Variants in XPR1 observed in about 807,000 individuals in gnomAD.
XPR1 encodes the protein xenotropic and polytropic retrovirus receptor 1.
XPR1 carries 28 observed loss-of-function variants against 87.5 expected under a neutral mutation model. The ratio of observed to expected loss-of-function variants is 0.32; its 90% confidence interval spans 0.24 to 0.44. The LOEUF (loss-of-function observed/expected upper bound fraction) is 0.44. XPR1 is among the 20% of genes least tolerant of loss of function. XPR1 has a pLI of 1.00. For synonymous variants in XPR1, 300 were observed against 306.1 expected, an observed-to-expected ratio of 0.98 and a Z score of 0.21; for missense variants, 559 against 862.3, an observed-to-expected ratio of 0.65 and a Z score of 4.41.
At chr1:180,846,261 CAAA>C (rs35729459) in intron 11 of XPR1, among the ~76,000 whole-genome samples, 2 of 128,280 alleles carry the variant, frequency 1.6e-5, no homozygotes, top group Admixed American at 7.9e-5. Context: ...GACTTCATCT[CAAA>C]AAAAAAAAAA....
chr1:180,698,676 T>C (rs1490477146), intron 2 of XPR1, among the ~76,000 whole-genome samples: 1 of 152,164 alleles, frequency 6.6e-6, no homozygotes, highest in African/African-American at 2.4e-5. Flanking sequence ...TTCCCTTAAG[T>C]ATTTTAGGAC....
chr1:180,684,320 A>G (rs967590349), intron 2 of XPR1, among the ~76,000 whole-genome samples: 4 of 152,026 alleles, frequency 2.6e-5, no homozygotes, highest in Non-Finnish European at 2.9e-5. Context: ...TGTTCCATTG[A>G]TCTATATCTC....
chr1:180,694,143 A>G (rs985293476), intron 2 of XPR1, among the ~76,000 whole-genome samples: 3 of 152,162 alleles, frequency 2.0e-5, no homozygotes, highest in Admixed American at 2.0e-4. Context: ...ATTTTTTTGT[A>G]GAGACAGGGT....
intron 2 of XPR1, among the ~76,000 whole-genome samples, chr1:180,696,162 C>CTGGG (rs1292179428): frequency 9.3e-6 from 1 of 107,888 alleles, no homozygotes; most frequent in Non-Finnish European, 1.9e-5. Context: ...AAATTTATTC[C>CTGGG]TGGGTGTGTG....
intron 2 of XPR1, among the ~76,000 whole-genome samples, chr1:180,771,519 C>G (rs995684564): frequency 5.9e-5 from 9 of 152,060 alleles, no homozygotes; most frequent in Non-Finnish European, 8.8e-5. Flanking sequence ...TCAAGTTTTA[C>G]CAGGTTTTTT....
intron 2 of XPR1, among the ~76,000 whole-genome samples, chr1:180,710,508 C>A (rs369643588): frequency 6.6e-6 from 1 of 151,710 alleles, no homozygotes; most frequent in African/African-American, 2.4e-5. Context: ...CAGAGAGCAC[C>A]GGGTTGGGGG....
intron 2 of XPR1, among the ~76,000 whole-genome samples, chr1:180,695,338 A>G (rs1303373993): frequency 6.6e-6 from 1 of 151,674 alleles, no homozygotes; most frequent in Non-Finnish European, 1.5e-5. Context: ...CCCACTCTGC[A>G]GGTGCTGTCT....
chr1:180,843,447 T>C (rs1317801589), intron 11 of XPR1, among the ~76,000 whole-genome samples: 1 of 152,192 alleles, frequency 6.6e-6, no homozygotes, highest in Non-Finnish European at 1.5e-5. Flanking sequence ...AAGCAAATTA[T>C]TTGGGAATTT....
intron 1 of XPR1, among the ~76,000 whole-genome samples, chr1:180,652,707 A>G (rs1051091552): frequency 6.6e-6 from 1 of 152,238 alleles, no homozygotes; most frequent in Non-Finnish European, 1.5e-5. Context: ...GTTGCATATG[A>G]TGTAATAACA....
chr1:180,823,194 T>A (rs1449297619), intron 7 of XPR1, among the ~76,000 whole-genome samples: 1 of 150,412 alleles, frequency 6.6e-6, no homozygotes, highest in Non-Finnish European at 1.5e-5. Flanking sequence ...TGAGCCAAGA[T>A]GACACCACTG....
chr1:180,702,395 GA>G (rs1337865708), intron 2 of XPR1, among the ~76,000 whole-genome samples: 2 of 149,770 alleles, frequency 1.3e-5, no homozygotes, highest in South Asian at 2.1e-4. Flanking sequence ...GTGTGGTGCT[GA>G]AAAAAATGTA....
chr1:180,682,159 C>T (rs1656598670), intron 1 of XPR1, among the ~76,000 whole-genome samples: 2 of 152,182 alleles, frequency 1.3e-5, no homozygotes, highest in Admixed American at 6.5e-5. Flanking sequence ...AGTTAGCCCT[C>T]ATCTTAAAAA....
intron 6 of XPR1, 93 bp downstream of exon 6, chr1:180,806,650 G>C: frequency 8.6e-7 from 1 of 1,158,904 alleles, no homozygotes; most frequent in Non-Finnish European, 1.2e-6. Flanking sequence ...AAAATTTTCA[G>C]CCAAAGTTTA....
intron 1 of XPR1, among the ~76,000 whole-genome samples, chr1:180,668,960 G>A (rs1488364868): frequency 6.6e-6 from 1 of 151,838 alleles, no homozygotes; most frequent in Non-Finnish European, 1.5e-5. Flanking sequence ...CTGCTGGCAG[G>A]CGCCTGTAAT....
intron 7 of XPR1, among the ~76,000 whole-genome samples, chr1:180,816,183 G>A (rs948851948): frequency 2.0e-5 from 3 of 152,168 alleles, no homozygotes; most frequent in African/African-American, 4.8e-5. Flanking sequence ...CTGGGCTGGC[G>A]GGTAGGAGAG....
intron 2 of XPR1, among the ~76,000 whole-genome samples, chr1:180,696,232 T>TATATA (rs1657172889): frequency 8.8e-6 from 1 of 113,226 alleles, no homozygotes; most frequent in South Asian, 3.1e-4. Flanking sequence ...ATATATATAT[T>TATATA]ATGGTAGCTA....
intron 2 of XPR1, among the ~76,000 whole-genome samples, chr1:180,688,049 A>ATTT (rs61214643): frequency 1.1e-3 from 145 of 130,552 alleles, no homozygotes; most frequent in Middle Eastern, 3.9e-3. Flanking sequence ...TATGTTATTA[A>ATTT]TTTTTTTTTT....
At chr1:180,658,587 G>A (rs569095248) in intron 1 of XPR1, among the ~76,000 whole-genome samples, 18 of 151,996 alleles carry the variant, frequency 1.2e-4, no homozygotes, top group African/African-American at 3.9e-4. Context: ...GTTTTGAGAC[G>A]GAGTCTCGCC....
intron 1 of XPR1, among the ~76,000 whole-genome samples, chr1:180,664,834 T>C (rs11806523): frequency 0.084 from 12,776 of 152,184 alleles, 720 homozygotes; most frequent in Non-Finnish European, 0.12. Context: ...GGTTTCCGGA[T>C]GAAACTGTTC....
Sources: allele counts gnomAD v4.1 joint callset (sites outside exome capture counted in the v4.1 genomes callset), GRCh38; gene constraint gnomAD v4.1.1; transcripts MANE v1.5; gene names NCBI Gene and HGNC (gene_info 2026-07-23, HGNC 2026-07-21).